Variants in ELMO1 observed in about 807,000 individuals in gnomAD.
ELMO1 encodes engulfment and cell motility protein 1.
ELMO1 carries 26 observed loss-of-function variants against 98.9 expected under a neutral mutation model. The observed-to-expected ratio is 0.26, with a 90% CI of 0.19 to 0.36. ELMO1 has a LOEUF of 0.36. Ranked by LOEUF, ELMO1 falls within the 10% of genes least tolerant of loss-of-function variation. The probability of loss-of-function intolerance (pLI) is 1.00; values close to 1 mark genes in which losing one functional copy is unlikely to be tolerated. For synonymous variants in ELMO1, 346 were observed against 346.0 expected, an observed-to-expected ratio of 1.00 and a Z score of 0.00; for missense variants, 627 against 935.2, an observed-to-expected ratio of 0.67 and a Z score of 4.30.
intron 1 of ELMO1, among the ~76,000 whole-genome samples, chr7:37,414,538 C>T (rs908808462): frequency 6.6e-6 from 1 of 152,198 alleles, no homozygotes; most frequent in Non-Finnish European, 1.5e-5. Flanking sequence ...TTCTGGCATT[C>T]TCTGATCGCC....
At chr7:37,240,234 T>C (rs1213966325) in intron 7 of ELMO1, among the ~76,000 whole-genome samples, 1 of 152,054 alleles carries the variant, frequency 6.6e-6, no homozygotes, top group Non-Finnish European at 1.5e-5. Context: ...AGATAGGTTT[T>C]TGCCATGTTA....
intron 14 of ELMO1, among the ~76,000 whole-genome samples, chr7:37,100,706 A>G (rs1339344402): frequency 1.3e-5 from 2 of 151,998 alleles, no homozygotes; most frequent in Non-Finnish European, 2.9e-5. Context: ...ACCTTTTTCC[A>G]TTTCACTTTG....
chr7:36,937,040 CTTTGT>C (rs891648792), intron 16 of ELMO1, among the ~76,000 whole-genome samples: 3 of 152,166 alleles, frequency 2.0e-5, no homozygotes, highest in Admixed American at 6.5e-5. Context: ...TGTTGGGAGG[CTTTGT>C]TTTATTTTTG....
At chr7:37,205,005 C>G (rs1489545325) in intron 13 of ELMO1, among the ~76,000 whole-genome samples, 4 of 152,256 alleles carry the variant, frequency 2.6e-5, no homozygotes, top group Admixed American at 2.0e-4. Flanking sequence ...ACACAGAGTA[C>G]TGATTGGTGC....
At chr7:37,188,226 C>A (rs1230532963) in intron 13 of ELMO1, among the ~76,000 whole-genome samples, 1 of 151,860 alleles carries the variant, frequency 6.6e-6, no homozygotes, top group Non-Finnish European at 1.5e-5. Flanking sequence ...ATGATTTGAC[C>A]AAAACCAATC....
intron 19 of ELMO1, 31 bp downstream of exon 19, chr7:36,877,979 A>T: frequency 6.4e-7 from 1 of 1,554,414 alleles, no homozygotes; most frequent in Non-Finnish European, 8.9e-7. Context: ...ACCGACCACC[A>T]CTCAGGCCTC....
chr7:37,381,223 G>A (rs571126092), intron 1 of ELMO1, among the ~76,000 whole-genome samples: 1 of 152,312 alleles, frequency 6.6e-6, no homozygotes, highest in South Asian at 2.1e-4. Flanking sequence ...AGATTACCCA[G>A]CTGCTGTAGA....
At chr7:36,871,102 G>A (rs1803464639) in intron 19 of ELMO1, among the ~76,000 whole-genome samples, 1 of 152,200 alleles carries the variant, frequency 6.6e-6, no homozygotes, top group Non-Finnish European at 1.5e-5. Context: ...TAAATAAAGG[G>A]AGAATTCCTT....
intron 15 of ELMO1, among the ~76,000 whole-genome samples, chr7:37,022,836 C>A (rs1794348997): frequency 6.6e-6 from 1 of 152,184 alleles, no homozygotes; most frequent in South Asian, 2.1e-4. Flanking sequence ...TCTAAATGTC[C>A]ATCCAGCAGA....
At chr7:37,331,125 T>C (rs1459321340) in intron 2 of ELMO1, among the ~76,000 whole-genome samples, 1 of 152,036 alleles carries the variant, frequency 6.6e-6, no homozygotes, top group Non-Finnish European at 1.5e-5. Flanking sequence ...CAGACTGTAG[T>C]TGGTTGGGGA....
chr7:37,345,281 T>C (rs1276995836), intron 1 of ELMO1, among the ~76,000 whole-genome samples: 1 of 152,044 alleles, frequency 6.6e-6, no homozygotes, highest in Non-Finnish European at 1.5e-5. Context: ...ATCTGGGATA[T>C]AGCAACAAAG....
At chr7:37,163,566 C>A (rs1011340525) in intron 13 of ELMO1, among the ~76,000 whole-genome samples, 6 of 149,568 alleles carry the variant, frequency 4.0e-5, no homozygotes, top group Non-Finnish European at 5.9e-5. Flanking sequence ...TTGTTCAATT[C>A]CCACCTATGA....
intron 4 of ELMO1, among the ~76,000 whole-genome samples, chr7:37,277,776 G>C (rs1231875435): frequency 6.6e-4 from 101 of 152,318 alleles, no homozygotes; most frequent in African/African-American, 2.3e-3. Context: ...CCCACACTCA[G>C]CTGGTTACTG....
Position 37,375,564 on chromosome 7 carries a change from C to CT in ELMO1, c.-73-32802dup, listed in dbSNP as rs950163806. 6 of 1,094,994 alleles carry CT rather than the reference C, an allele frequency of 5.5e-6. No homozygotes were observed. In the African/African-American group the frequency reaches 7.7e-5, roughly 14 times the overall value. The allele number at this position is 1,094,994 out of a possible 1,614,324, so 67.8% of individuals were successfully genotyped here. A position where few individuals can be genotyped will look rare whatever the true frequency, so the allele number is the denominator to read the frequency against. ...GAACCAGATTGCCATTTATAAACTC[C>CT]TTTTTAAGGAGGGAGTCATGGTGGC... On this transcript the variant is annotated intron_variant, in intron 1 of 21. Coordinates refer to ENST00000310758, the MANE Select transcript of ELMO1 (RefSeq NM_014800.11).
At chr7:36,942,744 A>G (rs1292443105) in intron 16 of ELMO1, among the ~76,000 whole-genome samples, 1 of 152,214 alleles carries the variant, frequency 6.6e-6, no homozygotes, top group South Asian at 2.1e-4. Context: ...ACAGCTTTGC[A>G]TGCTAATTAG....
At chr7:37,376,504 A>AT (rs972022159) in intron 1 of ELMO1, among the ~76,000 whole-genome samples, 1 of 152,144 alleles carries the variant, frequency 6.6e-6, no homozygotes, top group African/African-American at 2.4e-5. Flanking sequence ...TACGTTTCAG[A>AT]TTTTTTGCAT....
chr7:37,076,166 G>A (rs558857779), intron 15 of ELMO1, among the ~76,000 whole-genome samples: 44 of 152,192 alleles, frequency 2.9e-4, no homozygotes, highest in Non-Finnish European at 5.0e-4. Context: ...AAGTCATTTC[G>A]TTACCCCCTG....
At chr7:37,190,892 G>A (rs1791523819) in intron 13 of ELMO1, among the ~76,000 whole-genome samples, 1 of 151,854 alleles carries the variant, frequency 6.6e-6, no homozygotes, top group South Asian at 2.1e-4. Context: ...TACAAGCATA[G>A]AAAATATCTG....
chr7:37,410,116 T>G (rs1277206684), intron 1 of ELMO1, among the ~76,000 whole-genome samples: 1 of 152,230 alleles, frequency 6.6e-6, no homozygotes, highest in Non-Finnish European at 1.5e-5. Flanking sequence ...TCCGACTTCC[T>G]TTACAATTCC....
Sources: gnomAD v4.1 joint callset for allele counts (sites outside exome capture counted in the v4.1 genomes callset) on GRCh38, gnomAD v4.1.1 for gene constraint, MANE v1.5 for transcripts, NCBI Gene and HGNC (gene_info 2026-07-23, HGNC 2026-07-21) for gene names.